WDR53: variants seen among roughly 807,000 people sequenced by gnomAD.
WDR53 encodes the protein WD repeat domain 53, also known as WD repeat-containing protein 53.
A neutral mutation model predicts 21.3 loss-of-function variants in WDR53; 19 were observed. The ratio of observed to expected loss-of-function variants is 0.89; its 90% CI spans 0.62 to 1.31. The LOEUF is 1.31. Ranked by LOEUF, WDR53 falls within the 50% of genes most tolerant of loss-of-function variation. WDR53 has a pLI of 0.00. For missense variants in WDR53, 374 were observed against 423.2 expected, an observed-to-expected ratio of 0.88 and a Z score of 1.02; for synonymous variants, 157 against 163.4, an observed-to-expected ratio of 0.96 and a Z score of 0.30.
At chr3:196,558,586 AAGAT>A (rs2108687039) in intron 3 of WDR53, among the ~76,000 whole-genome samples, 2 of 152,326 alleles carry the variant, frequency 1.3e-5, no homozygotes, top group South Asian at 4.1e-4. Flanking sequence ...CATAAGAAAA[AAGAT>A]AGGTATGCTG....
intron 3 of WDR53, among the ~76,000 whole-genome samples, chr3:196,555,442 G>C (rs1302398461): frequency 6.6e-6 from 1 of 152,226 alleles, no homozygotes; most frequent in Non-Finnish European, 1.5e-5. Flanking sequence ...GGCTGAGAAA[G>C]AGGAGAAATT....
chr3:196,565,653 T>A (rs1735319489), intron 2 of WDR53, among the ~76,000 whole-genome samples: 1 of 152,198 alleles, frequency 6.6e-6, no homozygotes. Flanking sequence ...TTATGCAAAC[T>A]ATTGATCAGC....
At chr3:196,560,679 G>T (rs974639148) in intron 3 of WDR53, among the ~76,000 whole-genome samples, 1 of 152,204 alleles carries the variant, frequency 6.6e-6, no homozygotes, top group Non-Finnish European at 1.5e-5. Context: ...TTTACAGAGA[G>T]TGGGTGGACC....
At position 196,567,064 on chromosome 3, in the gene WDR53, C is replaced by T. The variant is rs1735472743; in HGVS notation, c.-204G>A. 5 of 439,942 alleles carry T rather than the reference C, an allele frequency of 1.1e-5. No homozygotes were observed. The highest frequency in any genetic ancestry group is 2.3e-5 in the Non-Finnish European group (5 of 218,758). The allele number at this position is 439,942 out of a possible 1,614,324, so 27.3% of individuals were successfully genotyped here. On this transcript the variant is annotated 5_prime_UTR_variant, in exon 2 of 4. It adds an upstream start codon to the 5' untranslated region. Transcript: ENST00000332629. ...TAAACACTCTGCACTAGTCATACCA[C>T]CACCGTCCCGTTCAAGAGTCTGTGC...
intron 3 of WDR53, 125 bp downstream of exon 3, chr3:196,560,871 T>C: frequency 1.7e-6 from 2 of 1,201,932 alleles, no homozygotes; most frequent in Non-Finnish European, 2.3e-6. Flanking sequence ...ATAAGGCTTA[T>C]TGTTCATAAA....
intron 3 of WDR53, among the ~76,000 whole-genome samples, chr3:196,557,207 C>T (rs1193387222): frequency 6.6e-6 from 1 of 152,168 alleles, no homozygotes; most frequent in Non-Finnish European, 1.5e-5. Flanking sequence ...TCCCCTTTTA[C>T]AAAAACATTT....
chr3:196,554,193 C>A lies in WDR53; in HGVS notation c.*18G>T. 1 of 1,501,136 alleles carries A rather than the reference C, an allele frequency of 6.7e-7. No homozygotes were observed. The highest frequency in any genetic ancestry group is 9.0e-7 in the Non-Finnish European group (1 of 1,109,530). 93.0% of individuals were successfully genotyped at this position (1,501,136 alleles called of 1,614,324 possible). On this transcript the variant is annotated 3_prime_UTR_variant, in exon 4 of 4. Transcript: ENST00000332629. ...GAAAAACAGTTTTGCCACAATTCTTCAAATGTTTTTATTGGATTTAAAATT... is the reference window on the plus strand; with the variant it reads ...GAAAAACAGTTTTGCCACAATTCTTAAAATGTTTTTATTGGATTTAAAATT...
rs12634791 is a variant in WDR53, at chr3:196,560,612, T to G, written c.480+384A>C. On this transcript the variant is annotated intron_variant, in intron 3 of 3. Coordinates refer to ENST00000332629, the MANE Select transcript of WDR53 (RefSeq NM_182627.3). ...CACCAATACACACTATTTCAGTTAA[T>G]GTACCCCAGAACTTTAAAGTAAAAA... 9.6e-3 allele frequency among the ~76,000 whole-genome samples: 1,455 copies of G among 151,686 alleles called. 54 individuals are homozygous for G. Among genetic ancestry groups the G allele is most frequent in the South Asian group, 0.067 (326 of 4,834 alleles).
chr3:196,559,789 GA>G (rs1421312926), intron 3 of WDR53, among the ~76,000 whole-genome samples: 1 of 152,084 alleles, frequency 6.6e-6, no homozygotes, highest in African/African-American at 2.4e-5. Context: ...TCATCTTAGA[GA>G]AAAAACATAG....
chr3:196,561,107 C>T lies in WDR53; in HGVS notation c.369G>A (p.Leu123=). 6.2e-7 allele frequency: 1 copy of T among 1,614,146 alleles called. No individual in the cohort carries two copies. The highest frequency in any genetic ancestry group is 1.6e-4 in the Middle Eastern group (1 of 6,062). ...DDSGAIKILD[L]ENKKVIRSLK... is the part of the protein sequence containing the mutation. ...AGGATCTGATAACTTTCTTGTTTTC[C>T]AAGTCTAGGATTTTGATTGCCCCAG... Residue 123 remains leucine, a synonymous_variant, in exon 3 of 4, where the codon TTG becomes TTA. Coordinates refer to ENST00000332629, the MANE Select transcript of WDR53 (RefSeq NM_182627.3).
At chr3:196,560,143 AATTAAAC>A (rs572671101) in intron 3 of WDR53, among the ~76,000 whole-genome samples, 15 of 152,316 alleles carry the variant, frequency 9.8e-5, no homozygotes, top group Non-Finnish European at 2.2e-4. Context: ...GAAAACTAAG[AATTAAAC>A]ACCTCCAGTT....
chr3:196,561,622 TA>T (rs113594168), intron 2 of WDR53, 131 bp from the exon 3 acceptor site: 29,747 of 726,164 alleles, frequency 0.041, no homozygotes, highest in East Asian at 0.12. Flanking sequence ...CTCAATTAAT[TA>T]AAAAAAAAAA....
intron 2 of WDR53, 54 bp downstream of exon 2, chr3:196,566,823 G>A (rs1735447239): frequency 1.1e-5 from 2 of 174,572 alleles, no homozygotes; most frequent in Non-Finnish European, 2.4e-5. Context: ...TGGGTGATGA[G>A]CAGGTGAAAG....
chr3:196,557,603 A>T (rs1734446335), intron 3 of WDR53, among the ~76,000 whole-genome samples: 1 of 152,180 alleles, frequency 6.6e-6, no homozygotes, highest in Non-Finnish European at 1.5e-5. Flanking sequence ...TTTTGGTTTT[A>T]AAAATCCAGA....
chr3:196,558,254 G>A (rs1734518803), intron 3 of WDR53, among the ~76,000 whole-genome samples: 2 of 152,116 alleles, frequency 1.3e-5, no homozygotes, highest in African/African-American at 4.8e-5. Flanking sequence ...CATCCAGGCT[G>A]GAGTGCAGTG....
At chr3:196,564,626 G>C (rs1161989423) in intron 2 of WDR53, among the ~76,000 whole-genome samples, 2 of 152,020 alleles carry the variant, frequency 1.3e-5, no homozygotes, top group African/African-American at 4.8e-5. Flanking sequence ...GCCTCTCAAA[G>C]TGCTGGCATC....
intron 3 of WDR53, among the ~76,000 whole-genome samples, chr3:196,559,819 T>C (rs536324806): frequency 1.3e-5 from 2 of 152,292 alleles, no homozygotes; most frequent in South Asian, 4.1e-4. Flanking sequence ...GCCAGAGAGA[T>C]TGAGGTTTGA....
At chr3:196,560,939 A>G in intron 3 of WDR53, 57 bp downstream of exon 3, 1 of 1,544,526 alleles carries the variant, frequency 6.5e-7, no homozygotes, top group Admixed American at 2.1e-5. Flanking sequence ...CAATAATTTG[A>G]TCCTGTTAGC....
intron 2 of WDR53, among the ~76,000 whole-genome samples, 163 bp downstream of exon 2, chr3:196,566,714 G>A (rs1309844026): frequency 1.3e-5 from 2 of 152,152 alleles, no homozygotes; most frequent in Non-Finnish European, 2.9e-5. Flanking sequence ...GCACCCGGCC[G>A]AGAGCATTTT....
Sources: allele counts gnomAD v4.1 joint callset (sites outside exome capture counted in the v4.1 genomes callset), GRCh38; gene constraint gnomAD v4.1.1; transcripts MANE v1.5; gene names NCBI Gene and HGNC (gene_info 2026-07-23, HGNC 2026-07-21).